Variants in ADAMTSL1 observed in about 807,000 individuals in gnomAD.
ADAMTSL1 encodes the protein ADAMTS like 1, also known as ADAMTS-like protein 1.
Under a neutral mutation model 201.8 loss-of-function variants are expected in ADAMTSL1, and 126 were observed. That is an observed-to-expected ratio of 0.62 (90% CI 0.54 to 0.72). The LOEUF is 0.72. ADAMTSL1 is among the 30% of genes least tolerant of loss of function. The pLI is 0.00. For synonymous variants in ADAMTSL1, 1,121 were observed against 903.4 expected (o/e 1.24, Z -4.32); for missense variants, 2,679 against 2,277.8 (o/e 1.18, Z -3.59).
chr9:18,080,310 C>T (rs769989741), intron 1 of ADAMTSL1, among the ~76,000 whole-genome samples: 8 of 152,056 alleles, frequency 5.3e-5, no homozygotes, highest in Non-Finnish European at 1.0e-4. Context: ...CTCAGAGGAG[C>T]GGTGGTTTTT....
At position 18,777,478 on chromosome 9, in the gene ADAMTSL1, G is replaced by A. The variant is rs1470757693; in HGVS notation, c.3249G>A (p.Gly1083=). 1 of 1,594,056 alleles carries A rather than the reference G, an allele frequency of 6.3e-7. No homozygotes were observed. The highest frequency in any genetic ancestry group is 1.1e-5 in the South Asian group (1 of 87,996). Residue 1083 remains glycine (G), a synonymous_variant, in exon 19 of 29, where the codon GGG becomes GGA. Coordinates refer to ENST00000380548, the MANE Select transcript of ADAMTSL1 (RefSeq NM_001040272.6). ...TEQRRLDDIL[G]NLSQQPEELR... is the part of the protein sequence containing the mutation. ...AGCGGCGCCTGGACGACATCCTGGG[G>A]AACCTCTCCCAGCAGCCCGAGGAGC...
At chr9:17,934,513 G>A (rs1826922727) in intron 1 of ADAMTSL1, among the ~76,000 whole-genome samples, 1 of 152,098 alleles carries the variant, frequency 6.6e-6, no homozygotes, top group Non-Finnish European at 1.5e-5. Context: ...TAAATGGCTT[G>A]ATTTTGATTC....
rs116823819 is a variant in ADAMTSL1 at position 18,339,086 on chromosome 9, T to C, written c.208-165743T>C. Among the ~76,000 whole-genome samples, 582 of 152,202 alleles carry C rather than the reference T, an allele frequency of 3.8e-3. 4 individuals carry two copies. The highest frequency in any genetic ancestry group is 0.013 in the African/African-American group (536 of 41,512). Reference sequence around the variant, plus strand: ...GTGAATAGTGCTGCAGTGAACATACTCATGCACGTGTCTTTATGTCAGAAA... The same window carrying C: ...GTGAATAGTGCTGCAGTGAACATACCCATGCACGTGTCTTTATGTCAGAAA... On this transcript the variant is annotated intron_variant, in intron 2 of 29. Transcript: ENST00000680146.
intron 1 of ADAMTSL1, among the ~76,000 whole-genome samples, chr9:18,480,111 C>T (rs940875311): frequency 3.3e-5 from 5 of 152,074 alleles, no homozygotes; most frequent in African/African-American, 7.2e-5. Flanking sequence ...AGGAAGAAAA[C>T]GATACTTACA....
At chr9:18,061,628 C>A (rs1421213137) in intron 1 of ADAMTSL1, among the ~76,000 whole-genome samples, 1 of 152,152 alleles carries the variant, frequency 6.6e-6, no homozygotes, top group Non-Finnish European at 1.5e-5. Context: ...AAGTTAGATG[C>A]CCCCAGAGAA....
intron 20 of ADAMTSL1, among the ~76,000 whole-genome samples, chr9:18,810,619 G>A (rs1303341005): frequency 2.0e-5 from 3 of 152,186 alleles, no homozygotes; most frequent in Non-Finnish European, 4.4e-5. Flanking sequence ...AGAAGGTTAA[G>A]CTTGGGTTAT....
At chr9:18,105,446 C>T (rs10963454) in intron 1 of ADAMTSL1, among the ~76,000 whole-genome samples, 5,512 of 152,260 alleles carry the variant, frequency 0.036, 370 homozygotes, top group East Asian at 0.35. Flanking sequence ...TATTGTTTTA[C>T]TTAATATTGC....
rs768287100 is a variant in ADAMTSL1, at chr9:18,684,715, G to T, written c.1490-1G>T. On this transcript the variant is annotated splice_acceptor_variant, in intron 12 of 28. Coordinates refer to ENST00000380548, the MANE Select transcript of ADAMTSL1 (RefSeq NM_001040272.6). LOFTEE classifies it high-confidence loss of function. ...TGTATGTGCATGCACTGAATTCTCA[G>T]AGAAACTTCCAGTCGAGGCCAAGTT... 4 of 1,612,586 alleles carry T rather than the reference G, an allele frequency of 2.5e-6. No individual in the cohort carries two copies. The highest frequency in any genetic ancestry group is 3.4e-6 in the Non-Finnish European group (4 of 1,179,506).
Position 18,777,352 on chromosome 9 carries a change from G to C in ADAMTSL1, c.3123G>C (p.Ser1041=). Residue 1041 remains serine (S), a synonymous_variant, in exon 19 of 29, where the codon TCG becomes TCC. Coordinates refer to ENST00000380548, the MANE Select transcript of ADAMTSL1 (RefSeq NM_001040272.6). Reference sequence around the variant, plus strand: ...GCTGGCCCGGAGAGCTGCTGGCCTCGTGGGAGGCGCAGGACTCTGCGGAAA... The same window carrying C: ...GCTGGCCCGGAGAGCTGCTGGCCTCCTGGGAGGCGCAGGACTCTGCGGAAA... ...QGGWPGELLA[S]WEAQDSAERN... The C allele has an allele frequency of 1.2e-6, 2 of 1,602,168 alleles. No homozygotes were observed. The highest frequency in any genetic ancestry group is 2.2e-5 in the South Asian group (2 of 89,530).
intron 1 of ADAMTSL1, among the ~76,000 whole-genome samples, chr9:18,030,021 A>G (rs1820876432): frequency 6.6e-6 from 1 of 152,104 alleles, no homozygotes; most frequent in Non-Finnish European, 1.5e-5. Context: ...TAGAAATACC[A>G]TTTGACCCAG....
chr9:18,311,657 A>G (rs1299419867), intron 2 of ADAMTSL1, among the ~76,000 whole-genome samples: 1 of 152,228 alleles, frequency 6.6e-6, no homozygotes, highest in Non-Finnish European at 1.5e-5. Context: ...CGATGCTGGA[A>G]TCATTCATGA....
chr9:18,035,611 T>A (rs1821161612), intron 1 of ADAMTSL1, among the ~76,000 whole-genome samples: 1 of 152,144 alleles, frequency 6.6e-6, no homozygotes, highest in Non-Finnish European at 1.5e-5. Flanking sequence ...AATTGCAACC[T>A]ATTTTCCCTG....
At chr9:18,492,610 T>C (rs11794163) in intron 1 of ADAMTSL1, among the ~76,000 whole-genome samples, 13,123 of 152,230 alleles carry the variant, frequency 0.086, 670 homozygotes, top group Non-Finnish European at 0.12. Flanking sequence ...CGTTTTTTCA[T>C]GTATTAGCAC....
intron 2 of ADAMTSL1, among the ~76,000 whole-genome samples, chr9:18,348,730 G>T (rs559503386): frequency 6.6e-6 from 1 of 152,102 alleles, no homozygotes; most frequent in African/African-American, 2.4e-5. Context: ...TTTGGCCAGA[G>T]CTATGGTGAG....
chr9:18,203,971 A>G (rs557869092), intron 2 of ADAMTSL1, among the ~76,000 whole-genome samples: 2 of 152,266 alleles, frequency 1.3e-5, no homozygotes, highest in South Asian at 4.1e-4. Flanking sequence ...TACTGGGGAG[A>G]GGGGAGAAGA....
At chr9:18,301,184 A>G (rs557286763) in intron 2 of ADAMTSL1, among the ~76,000 whole-genome samples, 1 of 152,350 alleles carries the variant, frequency 6.6e-6, no homozygotes, top group African/African-American at 2.4e-5. Flanking sequence ...GAAAAAAAGT[A>G]TGACACACAT....
intron 4 of ADAMTSL1, among the ~76,000 whole-genome samples, chr9:18,584,784 T>C (rs779639799): frequency 4.3e-4 from 66 of 152,042 alleles, no homozygotes; most frequent in Non-Finnish European, 7.4e-4. Context: ...GTGGGCACCA[T>C]CCAATTGACT....
rs145303467 is a variant in ADAMTSL1, at chr9:18,501,270, G to A, written c.64-3559G>A. 4.3e-3 allele frequency among the ~76,000 whole-genome samples: 661 copies of A among 152,238 alleles called. 2 individuals are homozygous for A. The highest frequency in any genetic ancestry group is 0.015 in the African/African-American group (636 of 41,550). On this transcript the variant is annotated intron_variant, in intron 1 of 28. Transcript: ENST00000380548. The stretch of plus-strand genomic sequence containing the variant: ...TCATGCCTGTAATGCCAGCACTTTG[G>A]GAGGCCAAGGTGGGTGGATAGCTCG...
intron 2 of ADAMTSL1, among the ~76,000 whole-genome samples, chr9:18,429,840 A>T (rs1454861796): frequency 1.3e-5 from 2 of 151,818 alleles, no homozygotes; most frequent in African/African-American, 4.8e-5. Flanking sequence ...CTCAGGCTGG[A>T]GTGCAGTGGT....
Sources: allele counts gnomAD v4.1 joint callset (sites outside exome capture counted in the v4.1 genomes callset), GRCh38; gene constraint gnomAD v4.1.1; transcripts MANE v1.5; gene names NCBI Gene and HGNC (gene_info 2026-07-23, HGNC 2026-07-21).